The following CATSPERD variants were observed in gnomAD, a reference collection of about 807,000 sequenced individuals.
CATSPERD encodes the protein catsper channel auxiliary subunit delta.
A neutral mutation model predicts 98.1 loss-of-function variants in CATSPERD; 86 were observed. That is an observed-to-expected ratio of 0.88 (90% CI 0.74 to 1.05). The LOEUF (loss-of-function observed/expected upper bound fraction) is 1.05, where lower values mean the gene tolerates loss of function less well. Among genes scored for constraint, CATSPERD ranks in the 50% least tolerant of loss-of-function variants. CATSPERD has a pLI of 0.00. For synonymous variants in CATSPERD, 394 were observed against 390.2 expected (o/e 1.01, Z -0.12); for missense variants, 995 against 1,005.7 (o/e 0.99, Z 0.14).
chr19:5,727,820 T>C (rs1339564633), intron 3 of CATSPERD, among the ~76,000 whole-genome samples: 20 of 152,010 alleles, frequency 1.3e-4, no homozygotes, highest in Admixed American at 1.3e-3. Flanking sequence ...ATGCTTACCC[T>C]CACCCTGAGG....
At chr19:5,757,611 T>C (rs1350084298) in intron 13 of CATSPERD, among the ~76,000 whole-genome samples, 1 of 148,270 alleles carries the variant, frequency 6.7e-6, no homozygotes, top group Non-Finnish European at 1.5e-5. Context: ...TTTTTTTTTT[T>C]TTTTTTTTTT....
Position 5,745,919 on chromosome 19 carries a change from TTCAAGTACTCAGATCACCCCC to T in CATSPERD, c.669_689del (p.Lys223_Leu229del). 6.2e-7 allele frequency: 1 copy of T among 1,614,090 alleles called. No individual in the cohort carries two copies. Among genetic ancestry groups the T allele is most frequent in the South Asian group, 1.1e-5 (1 of 91,078 alleles). On this transcript the variant is annotated inframe_deletion, in exon 9 of 22. Transcript: ENST00000381624. ...TGGTGTCTTTTTCTCCCAGGGCATG[TTCAAGTACTCAGATCACCCCC>T]TCAACCGGAGTTTCGGGCTGTCTTT...
At position 5,751,278 on chromosome 19, in the gene CATSPERD, A is replaced by C. The variant is rs991267411; in HGVS notation, c.988-369A>C. ...GGTGGCTCACGCCTGTAATCCCAGC[A>C]CTTTCAGAGGCCGAGGCGGGCGGAT... On this transcript the variant is annotated intron_variant, in intron 11 of 21. Coordinates refer to ENST00000381624, the MANE Select transcript of CATSPERD (RefSeq NM_152784.4). 4.3e-5 allele frequency among the ~76,000 whole-genome samples: 6 copies of C among 140,858 alleles called. No individual in the cohort carries two copies. The South Asian group carries it at 1.2e-3, about 27-fold the overall frequency. The allele number at this position is 140,858 out of a possible 152,430, so 92.4% of individuals were successfully genotyped here. A position where few individuals can be genotyped will look rare whatever the true frequency, so the allele number is the denominator to read the frequency against.
rs868193988 is a variant in CATSPERD at position 5,740,277 on chromosome 19, G to A, written c.573+838G>A. Among the ~76,000 whole-genome samples, 66 of 138,282 alleles carry A rather than the reference G, an allele frequency of 4.8e-4. No individual in the cohort carries two copies. The Middle Eastern group carries it at 0.026, about 55-fold the overall frequency. 90.7% of individuals were successfully genotyped at this position (138,282 alleles called of 152,430 possible). Reference sequence around the variant, plus strand: ...GCCTGGGCAACAAGAGCAAAACAGTGTCTCAAAAAAATAAAATAAAATAAA... The same window carrying A: ...GCCTGGGCAACAAGAGCAAAACAGTATCTCAAAAAAATAAAATAAAATAAA... On this transcript the variant is annotated intron_variant, in intron 7 of 21. Coordinates refer to ENST00000381624, the MANE Select transcript of CATSPERD (RefSeq NM_152784.4).
intron 1 of CATSPERD, among the ~76,000 whole-genome samples, chr19:5,724,288 G>A (rs1218526612): frequency 6.7e-6 from 1 of 149,804 alleles, no homozygotes; most frequent in African/African-American, 2.5e-5. Flanking sequence ...GTCTTGAACT[G>A]CTGACCTCAA....
At chr19:5,776,068 TG>T in intron 20 of CATSPERD, 92 bp from the exon 21 acceptor site, 1 of 1,378,486 alleles carries the variant, frequency 7.3e-7, no homozygotes, top group Non-Finnish European at 1.0e-6. Flanking sequence ...TAATGAGGAC[TG>T]GGGTGGGTGC....
At chr19:5,765,628 A>G (rs1051995365) in intron 16 of CATSPERD, among the ~76,000 whole-genome samples, 3 of 151,930 alleles carry the variant, frequency 2.0e-5, no homozygotes, top group South Asian at 2.1e-4. Context: ...CCTGGCCAAC[A>G]TGATGAAACC....
intron 12 of CATSPERD, among the ~76,000 whole-genome samples, chr19:5,752,177 C>T (rs1158913347): frequency 6.6e-5 from 10 of 151,892 alleles, no homozygotes; most frequent in East Asian, 1.9e-4. Flanking sequence ...GGTGTGGTGG[C>T]GGGCGCCTGT....
chr19:5,765,484 GCTCT>G (rs1204679740), intron 16 of CATSPERD, among the ~76,000 whole-genome samples: 2 of 151,508 alleles, frequency 1.3e-5, no homozygotes, highest in Admixed American at 1.3e-4. Flanking sequence ...TTTTCCCCAT[GCTCT>G]CTGTGTACCA....
intron 20 of CATSPERD, among the ~76,000 whole-genome samples, chr19:5,774,217 C>T (rs1194878160): frequency 7.2e-5 from 11 of 151,920 alleles, no homozygotes; most frequent in East Asian, 2.0e-4. Context: ...CCGCCCGCCT[C>T]GGCCTCCCAA....
chr19:5,749,549 G>C (rs1162905025), intron 11 of CATSPERD, among the ~76,000 whole-genome samples: 1 of 152,112 alleles, frequency 6.6e-6, no homozygotes, highest in Non-Finnish European at 1.5e-5. Context: ...AATCACTCTA[G>C]TTAGTAAAAC....
intron 7 of CATSPERD, among the ~76,000 whole-genome samples, chr19:5,741,084 TAAAAA>T (rs1568349381): frequency 6.9e-6 from 1 of 144,592 alleles, no homozygotes; most frequent in South Asian, 2.2e-4. Context: ...GACCCTGTCT[TAAAAA>T]AAAGAAAAGA....
At chr19:5,763,930 C>T (rs1568368488) in intron 16 of CATSPERD, among the ~76,000 whole-genome samples, 1 of 140,784 alleles carries the variant, frequency 7.1e-6, no homozygotes, top group African/African-American at 2.7e-5. Flanking sequence ...TCATTGTAAC[C>T]TCCATCTCCC....
intron 14 of CATSPERD, 102 bp from the exon 15 acceptor site, chr19:5,758,984 C>A: frequency 9.4e-7 from 1 of 1,063,702 alleles, no homozygotes; most frequent in Non-Finnish European, 1.5e-6. Context: ...AGGTTCGTCC[C>A]CCCATGTCCC....
chr19:5,737,865 G>T (rs2055880021), intron 6 of CATSPERD, among the ~76,000 whole-genome samples: 1 of 148,336 alleles, frequency 6.7e-6, no homozygotes, highest in South Asian at 2.2e-4. Flanking sequence ...AAAAAAAAAA[G>T]AAAAAAGATA....
intron 7 of CATSPERD, among the ~76,000 whole-genome samples, chr19:5,743,013 G>A (rs554145275): frequency 1.3e-4 from 19 of 151,928 alleles, no homozygotes; most frequent in South Asian, 4.2e-4. Flanking sequence ...ATTAAATTAA[G>A]GATCTTGAGG....
intron 5 of CATSPERD, among the ~76,000 whole-genome samples, chr19:5,736,918 G>A (rs2055857923): frequency 6.6e-6 from 1 of 151,794 alleles, no homozygotes; most frequent in Admixed American, 6.6e-5. Context: ...TTAGCCGGGC[G>A]TGGTGGTGGG....
intron 5 of CATSPERD, among the ~76,000 whole-genome samples, chr19:5,734,596 C>T (rs544406750): frequency 1.4e-3 from 213 of 151,810 alleles, no homozygotes; most frequent in Middle Eastern, 3.4e-3. Flanking sequence ...CGAGATTGTG[C>T]CACTGCATTC....
intron 10 of CATSPERD, among the ~76,000 whole-genome samples, chr19:5,748,873 C>T (rs558592014): frequency 3.3e-5 from 5 of 150,624 alleles, no homozygotes; most frequent in East Asian, 2.0e-4. Flanking sequence ...GGACTACAGG[C>T]GCGCACCACC....
Sources: gnomAD v4.1 joint callset for allele counts (sites outside exome capture counted in the v4.1 genomes callset) on GRCh38, gnomAD v4.1.1 for gene constraint, MANE v1.5 for transcripts, NCBI Gene and HGNC (gene_info 2026-07-23, HGNC 2026-07-21) for gene names.